CREB5: variants seen among roughly 807,000 people sequenced by gnomAD.
CREB5 encodes the protein cyclic AMP-responsive element-binding protein 5.
In CREB5, 19 loss-of-function variants were observed where a neutral mutation model predicts 57.1. The observed-to-expected ratio is 0.33, with a 90% CI of 0.23 to 0.49. CREB5 has a LOEUF of 0.49. Ranked by LOEUF, CREB5 falls within the 20% of genes least tolerant of loss-of-function variation. CREB5 has a pLI of 0.99. For missense variants in CREB5, 579 were observed against 671.6 expected, an observed-to-expected ratio of 0.86 and a Z score of 1.52; for synonymous variants, 238 against 238.3, an observed-to-expected ratio of 1.00 and a Z score of 0.01.
chr7:28,338,159 T>C (rs1785863195), intron 1 of CREB5, among the ~76,000 whole-genome samples: 1 of 152,192 alleles, frequency 6.6e-6, no homozygotes, highest in Admixed American at 6.5e-5. Context: ...TTATACACCA[T>C]AATTACATTG....
At chr7:28,757,621 C>T (rs997065748) in intron 7 of CREB5, among the ~76,000 whole-genome samples, 3 of 150,444 alleles carry the variant, frequency 2.0e-5, no homozygotes, top group Admixed American at 6.7e-5. Context: ...TGCAGTGAGC[C>T]GAGATCACGC....
chr7:28,403,947 C>T lies in CREB5; in HGVS notation c.-24-90959C>T, dbSNP rs1424842748. Among the ~76,000 whole-genome samples, 6 of 152,142 alleles carry T rather than the reference C, an allele frequency of 3.9e-5. No individual in the cohort carries two copies. In the South Asian group the frequency reaches 6.2e-4, roughly 16 times the overall value. On this transcript the variant is annotated intron_variant, in intron 1 of 9. Coordinates refer to the CREB5 transcript ENST00000396299. Reference sequence around the variant, plus strand: ...GCATTAATTTTACTGTTCATCTTTACATCCTGCACTGCTAGTTTTAAATGT... The same window carrying T: ...GCATTAATTTTACTGTTCATCTTTATATCCTGCACTGCTAGTTTTAAATGT...
At chr7:28,580,339 G>A (rs1195622532) in intron 5 of CREB5, among the ~76,000 whole-genome samples, 1 of 151,352 alleles carries the variant, frequency 6.6e-6, no homozygotes, top group Non-Finnish European at 1.5e-5. Flanking sequence ...GAAAGTTGAA[G>A]ACTTTTAACT....
Position 28,422,945 on chromosome 7 carries a change from T to C in CREB5, c.3+10028T>C, listed in dbSNP as rs73090563. On this transcript the variant is annotated intron_variant, in intron 1 of 10. Coordinates refer to ENST00000357727, the MANE Select transcript of CREB5 (RefSeq NM_182898.4). ...TTATTAGGGTGATATAACAACTCAG[T>C]GAAATATGAAGGATAGATATTATCC... Among the ~76,000 whole-genome samples the C allele has an allele frequency of 9.9e-3, 1,513 of 152,298 alleles. 15 individuals are homozygous for C. The highest frequency in any genetic ancestry group is 0.017 in the Non-Finnish European group (1,137 of 68,016).
intron 1 of CREB5, among the ~76,000 whole-genome samples, chr7:28,305,722 T>C (rs568826264): frequency 4.6e-5 from 7 of 151,906 alleles, no homozygotes; most frequent in East Asian, 1.9e-4. Flanking sequence ...TCTTTTCTTT[T>C]TTTTTTTTTT....
In CREB5 at chr7:28,528,653, G is replaced by A. The variant is rs970407238; in HGVS notation, c.291+20916G>A. The stretch of plus-strand genomic sequence containing the variant: ...CAGGAGGTGGAGGTTGCAGTGAGCC[G>A]AGATCGCGCCATTGCACTCCAGCCT... On this transcript the variant is annotated intron_variant, in intron 4 of 10. Coordinates refer to ENST00000357727, the MANE Select transcript of CREB5 (RefSeq NM_182898.4). Among the ~76,000 whole-genome samples, 41 of 139,424 alleles carry A rather than the reference G, an allele frequency of 2.9e-4. 1 individual carries two copies. The highest frequency in any genetic ancestry group is 2.2e-4 in the East Asian group (1 of 4,578). 91.5% of individuals were successfully genotyped at this position (139,424 alleles called of 152,430 possible). A position where few individuals can be genotyped will look rare whatever the true frequency, so the allele number is the denominator to read the frequency against.
At chr7:28,442,577 T>C (rs1178918426) in intron 1 of CREB5, among the ~76,000 whole-genome samples, 1 of 152,206 alleles carries the variant, frequency 6.6e-6, no homozygotes, top group African/African-American at 2.4e-5. Context: ...ATCAATAGTG[T>C]ATAAGAGTTC....
chr7:28,391,424 A>G (rs746813385), intron 1 of CREB5, among the ~76,000 whole-genome samples: 1 of 152,256 alleles, frequency 6.6e-6, no homozygotes, highest in Non-Finnish European at 1.5e-5. Flanking sequence ...TATGTGCCAT[A>G]GAATGAATGT....
intron 5 of CREB5, among the ~76,000 whole-genome samples, chr7:28,667,143 G>A (rs866674968): frequency 4.0e-5 from 6 of 151,880 alleles, no homozygotes; most frequent in African/African-American, 9.7e-5. Context: ...AAACAAATCC[G>A]AAAGATATAC....
At chr7:28,470,827 A>G (rs1294185557) in intron 1 of CREB5, among the ~76,000 whole-genome samples, 1 of 152,184 alleles carries the variant, frequency 6.6e-6, no homozygotes, top group African/African-American at 2.4e-5. Context: ...TCTGATGATA[A>G]ATGACGTTGC....
At chr7:28,324,921 C>A (rs942174203) in intron 1 of CREB5, among the ~76,000 whole-genome samples, 1 of 152,188 alleles carries the variant, frequency 6.6e-6, no homozygotes, top group Non-Finnish European at 1.5e-5. Context: ...AATCTAGGAA[C>A]TATCTTGATG....
chr7:28,567,854 C>T (rs1185801470), intron 4 of CREB5, among the ~76,000 whole-genome samples: 1 of 152,026 alleles, frequency 6.6e-6, no homozygotes, highest in Admixed American at 6.5e-5. Flanking sequence ...AGGAAGGGTC[C>T]CACACGGACT....
intron 1 of CREB5, among the ~76,000 whole-genome samples, chr7:28,359,343 T>A (rs1246907783): frequency 1.3e-5 from 2 of 152,204 alleles, no homozygotes; most frequent in East Asian, 3.8e-4. Context: ...GCCAAACTTG[T>A]CTTACCTCCC....
intron 5 of CREB5, among the ~76,000 whole-genome samples, chr7:28,689,529 G>A (rs955138635): frequency 1.3e-5 from 2 of 152,054 alleles, no homozygotes; most frequent in Non-Finnish European, 2.9e-5. Flanking sequence ...ACCCTCAATG[G>A]TAACATCTTG....
At chr7:28,451,558 A>G (rs904096331) in intron 1 of CREB5, among the ~76,000 whole-genome samples, 8 of 150,120 alleles carry the variant, frequency 5.3e-5, no homozygotes, top group African/African-American at 1.5e-4. Flanking sequence ...CTGGTTTGTG[A>G]GGTTGTAGCT....
chr7:28,682,251 A>G (rs1800632134), intron 5 of CREB5, among the ~76,000 whole-genome samples: 2 of 152,234 alleles, frequency 1.3e-5, no homozygotes, highest in Admixed American at 1.3e-4. Flanking sequence ...AATTTAAGCC[A>G]GTGAATCCTG....
intron 5 of CREB5, among the ~76,000 whole-genome samples, chr7:28,716,126 A>C (rs961741581): frequency 1.3e-5 from 2 of 152,064 alleles, no homozygotes; most frequent in Admixed American, 6.6e-5. Flanking sequence ...TGTTTAATTA[A>C]TTTTTTCTCT....
intron 7 of CREB5, among the ~76,000 whole-genome samples, chr7:28,744,242 G>A (rs1804563861): frequency 6.7e-6 from 1 of 149,962 alleles, no homozygotes; most frequent in Non-Finnish European, 1.5e-5. Flanking sequence ...TCTTAATCCA[G>A]TCTATCATTT....
intron 7 of CREB5, among the ~76,000 whole-genome samples, chr7:28,743,091 C>A (rs1804468615): frequency 1.3e-5 from 2 of 152,160 alleles, no homozygotes; most frequent in South Asian, 4.1e-4. Context: ...GCTTATTTTG[C>A]TTTTACTAAT....
Sources: allele counts gnomAD v4.1 joint callset (sites outside exome capture counted in the v4.1 genomes callset), GRCh38; gene constraint gnomAD v4.1.1; transcripts MANE v1.5; gene names NCBI Gene and HGNC (gene_info 2026-07-23, HGNC 2026-07-21).